SLC6A6: variants seen among roughly 807,000 people sequenced by gnomAD.
SLC6A6 encodes solute carrier family 6 member 6.
In SLC6A6, 16 loss-of-function variants were observed where a neutral mutation model predicts 68.8. The ratio of observed to expected loss-of-function variants is 0.23; its 90% CI spans 0.16 to 0.35. The LOEUF is 0.35. SLC6A6 is among the 10% of genes least tolerant of loss of function. The probability of loss-of-function intolerance (pLI) is 1.00; values close to 1 mark genes in which losing one functional copy is unlikely to be tolerated. For synonymous variants in SLC6A6, 312 were observed against 315.4 expected (o/e 0.99, Z 0.12); for missense variants, 474 against 802.8 (o/e 0.59, Z 4.95).
intron 2 of SLC6A6, among the ~76,000 whole-genome samples, chr3:14,419,048 T>C (rs890415564): frequency 2.0e-5 from 3 of 152,208 alleles, no homozygotes; most frequent in Non-Finnish European, 4.4e-5. Flanking sequence ...AGATAGAGTC[T>C]TGTGCAAGGG....
rs1485925598 is a variant in SLC6A6, at chr3:14,468,344, C to CA, written c.1096+132_1096+133insA. 8.2e-6 allele frequency: 6 copies of CA among 736,108 alleles called. No homozygotes were observed. In the African/African-American group the frequency reaches 1.1e-4, roughly 14 times the overall value. 45.6% of individuals were successfully genotyped at this position (736,108 alleles called of 1,614,324 possible). The stretch of plus-strand genomic sequence containing the variant: ...CTGGTTTCTAAAATGGACCCCCCCC[C>CA]CGCCACCAAGATATCCCCCAAATTT... On this transcript the variant is annotated intron_variant, in intron 9 of 14. Coordinates refer to ENST00000622186, the MANE Select transcript of SLC6A6 (RefSeq NM_003043.6). This position sits in a 1 kb window ranked among gnomAD's most constrained non-coding sequence, Gnocchi z 4.5.
intron 2 of SLC6A6, among the ~76,000 whole-genome samples, chr3:14,431,196 T>C (rs1699716713): frequency 6.6e-6 from 1 of 152,210 alleles, no homozygotes; most frequent in Admixed American, 6.5e-5. Context: ...TGGTCCACCC[T>C]TCCCCACTGT....
Position 14,487,926 on chromosome 3 carries a change from T to C in SLC6A6, c.*2919T>C, listed in dbSNP as rs781276957. The C allele has an allele frequency of 3.3e-5, 5 of 152,578 alleles. No individual in the cohort carries two copies. Among genetic ancestry groups the C allele is most frequent in the Non-Finnish European group, 5.9e-5 (4 of 68,046 alleles). The allele number at this position is 152,578 out of a possible 1,614,324, so 9.5% of individuals were successfully genotyped here. A position where few individuals can be genotyped will look rare whatever the true frequency, so the allele number is the denominator to read the frequency against. ...GGAAAAGGAAATGCGCTCCCCTCCA[T>C]GTTCAGGGATGAGGGGAGCAGCAGC... On this transcript the variant is annotated 3_prime_UTR_variant, in exon 15 of 15. Transcript: ENST00000622186.
chr3:14,433,238 G>A (rs981283829), intron 2 of SLC6A6, among the ~76,000 whole-genome samples: 2 of 152,152 alleles, frequency 1.3e-5, no homozygotes, highest in East Asian at 1.9e-4. Flanking sequence ...CCAGGTAAGC[G>A]AGTGCCTGCT....
In SLC6A6 at chr3:14,477,084, G is replaced by C. The variant is rs997113366; in HGVS notation, c.1210-121G>C. 7 of 925,584 alleles carry C rather than the reference G, an allele frequency of 7.6e-6. No homozygotes were observed. The African/African-American group carries it at 1.2e-4, about 15-fold the overall frequency. The allele number at this position is 925,584 out of a possible 1,614,324, so 57.3% of individuals were successfully genotyped here. On this transcript the variant is annotated intron_variant, in intron 10 of 14. Transcript: ENST00000622186. This position sits in a 1 kb window ranked among gnomAD's most constrained non-coding sequence, Gnocchi z 4.2. The stretch of plus-strand genomic sequence containing the variant: ...GGACTTGATCTCACAGGCCAATTCT[G>C]GACACAAGGATGGTCACGTCTGCTC...
intron 7 of SLC6A6, among the ~76,000 whole-genome samples, chr3:14,467,063 A>T (rs1204737637): frequency 6.6e-6 from 1 of 152,186 alleles, no homozygotes; most frequent in African/African-American, 2.4e-5. Context: ...TGAGGGTGGA[A>T]TTCAGAGTTA....
intron 1 of SLC6A6, among the ~76,000 whole-genome samples, chr3:14,408,033 G>A (rs1699149636): frequency 6.6e-6 from 1 of 151,984 alleles, no homozygotes; most frequent in Non-Finnish European, 1.5e-5. Context: ...TGGACATTTG[G>A]GTTGTTTCCA....
intron 2 of SLC6A6, among the ~76,000 whole-genome samples, chr3:14,439,661 G>T (rs922893840): frequency 6.6e-6 from 1 of 152,238 alleles, no homozygotes; most frequent in Non-Finnish European, 1.5e-5. Flanking sequence ...CCTGGGCCCA[G>T]TGCCAAGGAA....
chr3:14,484,827 G>A (rs376198481), intron 14 of SLC6A6, 40 bp from the exon 15 acceptor site: 39 of 1,602,122 alleles, frequency 2.4e-5, no homozygotes, highest in Middle Eastern at 2.3e-4. Context: ...AGACCAGGCC[G>A]CCTGACGTTT....
At chr3:14,458,107 C>T (rs1700412165) in intron 6 of SLC6A6, 25 bp downstream of exon 6, 1 of 1,610,452 alleles carries the variant, frequency 6.2e-7, no homozygotes, top group South Asian at 1.1e-5. Flanking sequence ...TGTCCGTCCC[C>T]TGCCTCCTGG....
chr3:14,459,326 C>T (rs1700442545), intron 6 of SLC6A6, among the ~76,000 whole-genome samples: 2 of 152,178 alleles, frequency 1.3e-5, no homozygotes, highest in South Asian at 2.1e-4. Flanking sequence ...GAATGTGTCT[C>T]CCTGGATAAA....
intron 5 of SLC6A6, among the ~76,000 whole-genome samples, chr3:14,452,915 C>A (rs1446435704): frequency 1.3e-5 from 2 of 152,218 alleles, no homozygotes; most frequent in African/African-American, 4.8e-5. Context: ...TGGAGCCGTG[C>A]CTTCCTCCTA....
rs1056079924 is a variant in SLC6A6, at chr3:14,465,823, A to C, written c.733-693A>C. On this transcript the variant is annotated intron_variant, in intron 6 of 14. Coordinates refer to ENST00000622186, the MANE Select transcript of SLC6A6 (RefSeq NM_003043.6). ...CACGCACTTGATAGCTTACTCTCTG[A>C]TTTTGCTTTTTCCACCTCTACGCCC... 2.0e-5 allele frequency among the ~76,000 whole-genome samples: 3 copies of C among 152,174 alleles called. No homozygotes were observed. In the South Asian group the frequency reaches 6.2e-4, roughly 31 times the overall value.
chr3:14,402,590 C>T (rs1235446118), upstream of SLC6A6: 17 of 397,864 alleles, frequency 4.3e-5, no homozygotes, highest in East Asian at 6.1e-4. This position sits in a 1 kb window ranked among gnomAD's most constrained non-coding sequence, Gnocchi z 4.8. Flanking sequence ...TTCCACCCAG[C>T]AGGATGGGTG....
At chr3:14,419,041 T>C (rs142411165) in intron 2 of SLC6A6, among the ~76,000 whole-genome samples, 1 of 152,180 alleles carries the variant, frequency 6.6e-6, no homozygotes, top group Non-Finnish European at 1.5e-5. Flanking sequence ...TGCTTCCAGA[T>C]AGAGTCTTGT....
At chr3:14,425,099 G>A (rs1699564856) in intron 2 of SLC6A6, among the ~76,000 whole-genome samples, 1 of 152,140 alleles carries the variant, frequency 6.6e-6, no homozygotes, top group Non-Finnish European at 1.5e-5. Context: ...ATCTTTCTTG[G>A]GCACAGAGTA....
In SLC6A6 at chr3:14,486,392, A is replaced by G. The variant is rs1701165297; in HGVS notation, c.*1385A>G. On this transcript the variant is annotated 3_prime_UTR_variant, in exon 15 of 15. Coordinates refer to ENST00000622186, the MANE Select transcript of SLC6A6 (RefSeq NM_003043.6). Reference sequence around the variant, plus strand: ...ATATAACAAAGCTCTTCACTTCAAAACCCCTGCAATAGCTGGGTTTACAGA... The same window carrying G: ...ATATAACAAAGCTCTTCACTTCAAAGCCCCTGCAATAGCTGGGTTTACAGA... 4 of 152,244 alleles carry G rather than the reference A, an allele frequency of 2.6e-5. No individual in the cohort carries two copies. Among genetic ancestry groups the G allele is most frequent in the Non-Finnish European group, 5.9e-5 (4 of 67,976 alleles). The allele number at this position is 152,244 out of a possible 1,614,324, so 9.4% of individuals were successfully genotyped here. A position where few individuals can be genotyped will look rare whatever the true frequency, so the allele number is the denominator to read the frequency against.
chr3:14,414,822 G>T (rs1359099803), intron 1 of SLC6A6, among the ~76,000 whole-genome samples: 1 of 152,200 alleles, frequency 6.6e-6, no homozygotes, highest in African/African-American at 2.4e-5. Flanking sequence ...AGCACACCTA[G>T]CCTTTAGTGC....
At chr3:14,449,767 T>A (rs748362468) in intron 5 of SLC6A6, among the ~76,000 whole-genome samples, 3 of 152,094 alleles carry the variant, frequency 2.0e-5, no homozygotes, top group Non-Finnish European at 4.4e-5. Flanking sequence ...GTTATTTTGT[T>A]TTTGAGACAG....
Sources: allele counts gnomAD v4.1 joint callset (sites outside exome capture counted in the v4.1 genomes callset), GRCh38; gene constraint gnomAD v4.1.1; non-coding constraint Gnocchi (gnomAD v3.1); transcripts MANE v1.5; gene names NCBI Gene and HGNC (gene_info 2026-07-23, HGNC 2026-07-21).